PLCE1: variants seen among roughly 807,000 people sequenced by gnomAD.
PLCE1 encodes phospholipase C epsilon 1.
In PLCE1, 119 loss-of-function variants were observed where a neutral mutation model predicts 242.8. The ratio of observed to expected loss-of-function variants is 0.49; its 90% confidence interval spans 0.42 to 0.57. The LOEUF (loss-of-function observed/expected upper bound fraction) is 0.57, where lower values mean the gene tolerates loss of function less well. Ranked by LOEUF, PLCE1 falls within the 20% of genes least tolerant of loss-of-function variation. The probability of loss-of-function intolerance (pLI) is 0.00; values close to 1 mark genes in which losing one functional copy is unlikely to be tolerated. For synonymous variants in PLCE1, 945 were observed against 1,017.4 expected (o/e 0.93, Z 1.35); for missense variants, 2,441 against 2,788.8 (o/e 0.88, Z 2.81).
intron 4 of PLCE1, among the ~76,000 whole-genome samples, chr10:94,194,609 T>C (rs908163461): frequency 5.3e-5 from 8 of 152,230 alleles, no homozygotes; most frequent in Admixed American, 3.9e-4. Context: ...TGGCTCAGAT[T>C]TGAATTCAGA....
chr10:94,157,229 C>G (rs945654259), intron 3 of PLCE1, among the ~76,000 whole-genome samples: 17 of 152,138 alleles, frequency 1.1e-4, no homozygotes, highest in African/African-American at 3.9e-4. Flanking sequence ...GACTGAGTCT[C>G]CTCGTCGAGC....
rs147949529 is a variant in PLCE1, at chr10:94,097,072, TA to T, written c.1207-35100del. ...TGATTACCCAACTACCCCTCTCCTT[TA>T]ACTGATGATGAAACTGAGGACCAGA... On this transcript the variant is annotated intron_variant, in intron 2 of 32. Coordinates refer to ENST00000371380, the MANE Select transcript of PLCE1 (RefSeq NM_016341.4). Among the ~76,000 whole-genome samples the T allele has an allele frequency of 4.7e-3, 715 of 152,316 alleles. 2 individuals carry two copies. Among genetic ancestry groups the T allele is most frequent in the African/African-American group, 0.016 (668 of 41,570 alleles).
intron 1 of PLCE1, among the ~76,000 whole-genome samples, chr10:94,025,060 G>GTT (rs201891784): frequency 6.7e-6 from 1 of 148,822 alleles, no homozygotes. Flanking sequence ...TTTCTATCTT[G>GTT]TTTTTTTTTT....
chr10:94,250,131 C>CAAAA (rs34113881), intron 8 of PLCE1, among the ~76,000 whole-genome samples: 21 of 95,688 alleles, frequency 2.2e-4, no homozygotes, highest in African/African-American at 7.5e-4. Context: ...GACTCTGTCT[C>CAAAA]AAAAAAAAAA....
At chr10:94,057,289 TA>T (rs1422999370) in intron 2 of PLCE1, among the ~76,000 whole-genome samples, 1 of 152,194 alleles carries the variant, frequency 6.6e-6, no homozygotes, top group African/African-American at 2.4e-5. Flanking sequence ...TCATCTACCA[TA>T]ATATCATGAT....
chr10:94,277,649 G>C (rs2052011407), intron 19 of PLCE1, among the ~76,000 whole-genome samples: 1 of 152,196 alleles, frequency 6.6e-6, no homozygotes, highest in Non-Finnish European at 1.5e-5. Flanking sequence ...TACCTTGAGT[G>C]CTCGCTGAGT....
At chr10:94,281,368 T>A (rs981017788) in intron 20 of PLCE1, among the ~76,000 whole-genome samples, 1 of 152,194 alleles carries the variant, frequency 6.6e-6, no homozygotes, top group Admixed American at 6.5e-5. Flanking sequence ...ATTATTATAC[T>A]GTAGATTTCA....
At chr10:94,262,112 T>C (rs1433447243) in intron 13 of PLCE1, among the ~76,000 whole-genome samples, 1 of 151,874 alleles carries the variant, frequency 6.6e-6, no homozygotes, top group African/African-American at 2.4e-5. Flanking sequence ...GCAACTCTTA[T>C]GCCTCAGCCT....
At chr10:94,295,111 T>C (rs969252122) in intron 23 of PLCE1, among the ~76,000 whole-genome samples, 2 of 151,294 alleles carry the variant, frequency 1.3e-5, no homozygotes, top group Non-Finnish European at 2.9e-5. Context: ...AGAGATGGGG[T>C]TTTACCATGT....
chr10:94,232,435 A>C (rs1017248116), intron 5 of PLCE1, among the ~76,000 whole-genome samples: 2 of 152,170 alleles, frequency 1.3e-5, no homozygotes, highest in Non-Finnish European at 2.9e-5. Context: ...GGGTGTCTGC[A>C]GAAAAGAAGT....
At chr10:94,110,061 T>TC (rs2045900360) in intron 2 of PLCE1, among the ~76,000 whole-genome samples, 1 of 104,242 alleles carries the variant, frequency 9.6e-6, no homozygotes, top group African/African-American at 3.5e-5. Flanking sequence ...CTTTTTTCTT[T>TC]TTTTTTTTTT....
At chr10:94,220,221 TAC>T (rs1306148514) in intron 4 of PLCE1, among the ~76,000 whole-genome samples, 5 of 148,448 alleles carry the variant, frequency 3.4e-5, no homozygotes, top group South Asian at 4.3e-4. Flanking sequence ...CACACACACA[TAC>T]ACACACACAC....
chr10:94,253,760 C>A (rs1385165467), intron 9 of PLCE1, among the ~76,000 whole-genome samples: 3 of 152,152 alleles, frequency 2.0e-5, no homozygotes, highest in African/African-American at 7.2e-5. Flanking sequence ...CCCCATGATC[C>A]AAACACCTCC....
In PLCE1 at chr10:94,322,077, C is replaced by A; in HGVS notation, c.6501+18C>A. The A allele has an allele frequency of 6.2e-7, 1 of 1,611,772 alleles. No homozygotes were observed. Among genetic ancestry groups the A allele is most frequent in the Non-Finnish European group, 8.5e-7 (1 of 1,177,826 alleles). On this transcript the variant is annotated intron_variant, in intron 30 of 32. Transcript: ENST00000371380. ...TTCAGCAGGTAAAAGCCTCTCCCTT[C>A]CTCACCTGAGTCCTTTCCTCAGCAT...
intron 3 of PLCE1, among the ~76,000 whole-genome samples, chr10:94,136,808 A>G (rs907286197): frequency 6.6e-6 from 1 of 152,238 alleles, no homozygotes; most frequent in Non-Finnish European, 1.5e-5. Context: ...ATCCACAAGG[A>G]TATGCCCTTA....
chr10:94,319,886 T>TTTTTTTTTTTTTTA, intron 29 of PLCE1, among the ~76,000 whole-genome samples: 1 of 142,818 alleles, frequency 7.0e-6, no homozygotes, highest in Non-Finnish European at 1.5e-5. Context: ...TTTTTTTTTT[T>TTTTTTTTTTTTTTA]TGAGATGGAG....
chr10:94,317,515 A>C (rs1326262227), intron 29 of PLCE1, among the ~76,000 whole-genome samples: 1 of 152,198 alleles, frequency 6.6e-6, no homozygotes, highest in Non-Finnish European at 1.5e-5. Context: ...TAGCTAATAG[A>C]AGCTTCCATG....
rs1589883724 is a variant in PLCE1 at position 94,031,594 on chromosome 10, G to C, written c.548G>C (p.Arg183Thr). The C allele has an allele frequency of 6.2e-7, 1 of 1,612,880 alleles. No individual in the cohort carries two copies. The change falls in exon 2 of 33, where the codon AGA becomes ACA. Residue 183 changes from arginine (R) to threonine (T), a missense_variant. Around this residue, in one of 5 missense-constraint regions of PLCE1, gnomAD observed 393 missense variants for 378.5 expected, o/e 1.04. Transcript: ENST00000371380. The part of the protein sequence containing the change: ...IETGRAHPDS[R>T]RAVFHFHYEV... Reference sequence around the variant, plus strand: ...ACAGGCAGAGCACACCCTGACAGCAGAAGGGCAGTATTTCATTTTCATTAT... The same window carrying C: ...ACAGGCAGAGCACACCCTGACAGCACAAGGGCAGTATTTCATTTTCATTAT...
chr10:94,296,459 C>T (rs2052820298), intron 23 of PLCE1, among the ~76,000 whole-genome samples: 1 of 152,062 alleles, frequency 6.6e-6, no homozygotes, highest in Non-Finnish European at 1.5e-5. Context: ...GTAGCTTCTC[C>T]ATCAGTACTT....
Sources: allele counts gnomAD v4.1 joint callset (sites outside exome capture counted in the v4.1 genomes callset), GRCh38; gene constraint gnomAD v4.1.1; regional missense constraint gnomAD v4.1.1; transcripts MANE v1.5; gene names NCBI Gene and HGNC (gene_info 2026-07-23, HGNC 2026-07-21).